FHIT: variants seen among roughly 807,000 people sequenced by gnomAD.
The protein encoded by FHIT is fragile histidine triad diadenosine triphosphatase.
A neutral mutation model predicts 17.9 loss-of-function variants in FHIT; 19 were observed. That is an observed-to-expected ratio of 1.06 (90% CI 0.74 to 1.56). FHIT has a LOEUF of 1.56. FHIT is among the 40% of genes most tolerant of loss of function. The pLI is 0.00. For missense variants in FHIT, 248 were observed against 189.2 expected (o/e 1.31, Z -1.82); for synonymous variants, 81 against 69.7 (o/e 1.16, Z -0.81).
chr3:59,861,276 A>G (rs1446047247), intron 8 of FHIT, among the ~76,000 whole-genome samples: 1 of 152,198 alleles, frequency 6.6e-6, no homozygotes, highest in Non-Finnish European at 1.5e-5. Context: ...AGGAAGATTG[A>G]GACGTCAGTT....
At chr3:60,665,611 A>G (rs1443212893) in intron 4 of FHIT, among the ~76,000 whole-genome samples, 1 of 151,960 alleles carries the variant, frequency 6.6e-6, no homozygotes, top group African/African-American at 2.4e-5. Flanking sequence ...TTAAAAATTA[A>G]TATTTGTATG....
chr3:59,968,131 T>A (rs1575784806), intron 7 of FHIT, among the ~76,000 whole-genome samples: 1 of 152,162 alleles, frequency 6.6e-6, no homozygotes, highest in Admixed American at 6.6e-5. Context: ...TCACCTATCT[T>A]TTTAGGGAGG....
intron 5 of FHIT, among the ~76,000 whole-genome samples, chr3:60,505,259 A>T (rs1249000253): frequency 1.3e-5 from 2 of 152,190 alleles, no homozygotes; most frequent in African/African-American, 4.8e-5. Context: ...TAGTTAAGGA[A>T]ATGATTTTTG....
intron 4 of FHIT, among the ~76,000 whole-genome samples, chr3:60,577,089 A>C (rs1425368754): frequency 6.6e-6 from 1 of 152,176 alleles, no homozygotes; most frequent in East Asian, 1.9e-4. Flanking sequence ...AAATAAATAA[A>C]AAGGAGGACA....
intron 4 of FHIT, among the ~76,000 whole-genome samples, chr3:60,745,606 A>T (rs1049346809): frequency 1.3e-5 from 2 of 152,136 alleles, no homozygotes; most frequent in Admixed American, 6.5e-5. Flanking sequence ...AGATCCAGGT[A>T]GACCAAGTAG....
intron 5 of FHIT, among the ~76,000 whole-genome samples, chr3:60,134,232 G>A (rs1374739572): frequency 6.6e-6 from 1 of 152,132 alleles, no homozygotes; most frequent in Non-Finnish European, 1.5e-5. Flanking sequence ...AAATATCCAT[G>A]ACACTTCCAG....
At position 60,411,844 on chromosome 3, in the gene FHIT, T is replaced by C. The variant is rs954070225; in HGVS notation, c.103+125016A>G. Reference sequence around the variant, plus strand: ...CACCTGACAATGCTGAAATATCTAGTAGAAACAATTCCCAAAGAGGTATGA... The same window carrying C: ...CACCTGACAATGCTGAAATATCTAGCAGAAACAATTCCCAAAGAGGTATGA... On this transcript the variant is annotated intron_variant, in intron 5 of 9. Coordinates refer to ENST00000492590, the MANE Select transcript of FHIT (RefSeq NM_002012.4). 8.5e-5 allele frequency among the ~76,000 whole-genome samples: 13 copies of C among 152,144 alleles called. 1 individual carries two copies. The highest frequency in any genetic ancestry group is 8.5e-4 in the Admixed American group (13 of 15,252).
chr3:60,119,047 G>C (rs1020110479), intron 5 of FHIT, among the ~76,000 whole-genome samples: 2 of 151,140 alleles, frequency 1.3e-5, no homozygotes, highest in South Asian at 2.1e-4. Flanking sequence ...AAAACNTCAG[G>C]GTCATTACCC....
chr3:59,752,360 C>G, intron 8 of FHIT, 39 bp from the exon 9 acceptor site: 2 of 1,531,466 alleles, frequency 1.3e-6, no homozygotes, highest in Non-Finnish European at 1.8e-6. Flanking sequence ...TTTCATGGGC[C>G]CTTGGGATCT....
At chr3:60,151,891 T>C (rs542745767) in intron 5 of FHIT, among the ~76,000 whole-genome samples, 71 of 152,198 alleles carry the variant, frequency 4.7e-4, no homozygotes, top group Non-Finnish European at 8.5e-4. Context: ...CACCTGCAAC[T>C]ATATAATTTC....
chr3:60,203,162 G>C (rs1403182480), intron 5 of FHIT, among the ~76,000 whole-genome samples: 1 of 152,220 alleles, frequency 6.6e-6, no homozygotes, highest in Admixed American at 6.5e-5. Flanking sequence ...ACTATAGAGA[G>C]TTTGCATGAA....
intron 5 of FHIT, among the ~76,000 whole-genome samples, chr3:60,093,175 G>C (rs1703801082): frequency 1.3e-5 from 2 of 152,116 alleles, no homozygotes; most frequent in South Asian, 4.1e-4. Context: ...TCCAGGTGTG[G>C]GCAGAGCTGA....
chr3:60,327,599 G>T (rs190466868), intron 5 of FHIT, among the ~76,000 whole-genome samples: 149 of 152,270 alleles, frequency 9.8e-4, no homozygotes, highest in African/African-American at 3.4e-3. Context: ...TATTATGAAT[G>T]AATGTGATAA....
intron 3 of FHIT, among the ~76,000 whole-genome samples, chr3:60,962,630 T>G (rs1184421890): frequency 6.6e-6 from 1 of 152,230 alleles, no homozygotes; most frequent in Admixed American, 6.5e-5. Context: ...TTGGGAGTTT[T>G]TAGCATGAAG....
intron 3 of FHIT, chr3:60,912,822 T>C: frequency 2.0e-6 from 1 of 511,108 alleles, no homozygotes; most frequent in South Asian, 1.4e-5. Context: ...TATTGCTCTT[T>C]TTTAAAAAGC....
chr3:60,934,038 A>G (rs1262408820), intron 3 of FHIT, among the ~76,000 whole-genome samples: 1 of 152,172 alleles, frequency 6.6e-6, no homozygotes, highest in African/African-American at 2.4e-5. Flanking sequence ...AGTGATGACA[A>G]GCCTTAATCT....
chr3:61,221,927 C>T (rs1186858375), intron 1 of FHIT, among the ~76,000 whole-genome samples: 1 of 152,190 alleles, frequency 6.6e-6, no homozygotes, highest in Non-Finnish European at 1.5e-5. Context: ...GGCCTGTGTG[C>T]ACCTGATTTG....
chr3:60,193,409 C>A lies in FHIT; in HGVS notation c.104-179257G>T, dbSNP rs547443230. ...AGGAGGAGACAATGAGACTCTACAT[C>A]AATTTCCCAGTATATTCTGCAAAGT... On this transcript the variant is annotated intron_variant, in intron 5 of 9. Transcript: ENST00000492590. 1.7e-4 allele frequency among the ~76,000 whole-genome samples: 26 copies of A among 152,262 alleles called. No homozygotes were observed. The South Asian group carries it at 3.5e-3, about 21-fold the overall frequency.
intron 5 of FHIT, among the ~76,000 whole-genome samples, chr3:60,278,126 G>C (rs1056837025): frequency 6.6e-6 from 1 of 152,194 alleles, no homozygotes; most frequent in African/African-American, 2.4e-5. Flanking sequence ...TGGAGGCTCA[G>C]TGCAGACTAG....
Sources: allele counts gnomAD v4.1 joint callset (sites outside exome capture counted in the v4.1 genomes callset), GRCh38; gene constraint gnomAD v4.1.1; transcripts MANE v1.5; gene names NCBI Gene and HGNC (gene_info 2026-07-23, HGNC 2026-07-21).